The following EVI5 variants were observed in gnomAD, a reference collection of about 807,000 sequenced individuals.
EVI5 encodes ecotropic viral integration site 5, also known as ecotropic viral integration site 5 protein homolog.
A neutral mutation model predicts 112.0 loss-of-function variants in EVI5; 73 were observed. The ratio of observed to expected loss-of-function variants is 0.65; its 90% CI spans 0.54 to 0.79. EVI5 has a LOEUF of 0.79. Among genes scored for constraint, EVI5 ranks in the 30% least tolerant of loss-of-function variants. The pLI, the probability that EVI5 is intolerant of heterozygous loss-of-function variation, is 0.00. For synonymous variants in EVI5, 305 were observed against 319.9 expected (o/e 0.95, Z 0.50); for missense variants, 900 against 968.8 (o/e 0.93, Z 0.94).
Position 92,727,794 on chromosome 1 carries a change from T to C in EVI5, c.149+8604A>G, listed in dbSNP as rs562205564. Among the ~76,000 whole-genome samples, 8 of 152,064 alleles carry C rather than the reference T, an allele frequency of 5.3e-5. No individual in the cohort carries two copies. The South Asian group carries it at 1.2e-3, about 24-fold the overall frequency. On this transcript the variant is annotated intron_variant, in intron 2 of 19. Coordinates refer to ENST00000684568, the MANE Select transcript of EVI5 (RefSeq NM_001350197.2). ...ATTTTAGGAGGCTGAGGTGAGAGGATTGCTTGAATCCGGGAGTTCAAGAAC... is the reference window on the plus strand; with the variant it reads ...ATTTTAGGAGGCTGAGGTGAGAGGACTGCTTGAATCCGGGAGTTCAAGAAC...
chr1:92,655,550 G>C (rs10735781), intron 13 of EVI5, among the ~76,000 whole-genome samples: 87,499 of 151,862 alleles, frequency 0.58, 26,989 homozygotes, highest in East Asian at 0.93. Flanking sequence ...AAACTTACAG[G>C]TCTTACAAAA....
At chr1:92,712,996 G>A (rs1453702332) in intron 2 of EVI5, among the ~76,000 whole-genome samples, 1 of 151,492 alleles carries the variant, frequency 6.6e-6, no homozygotes. Context: ...GGGGTCTTGA[G>A]AGGCTGGTCT....
At chr1:92,781,752 C>T (rs1167095748) in intron 1 of EVI5, among the ~76,000 whole-genome samples, 4 of 151,356 alleles carry the variant, frequency 2.6e-5, no homozygotes, top group Admixed American at 6.6e-5. Flanking sequence ...CCCAGGAGTT[C>T]GAGACCAGCC....
At position 92,772,305 on chromosome 1, in the gene EVI5, A is replaced by C. The variant is rs560525219; in HGVS notation, c.-82+12531T>G. Among the ~76,000 whole-genome samples the C allele has an allele frequency of 1.2e-3, 188 of 152,200 alleles. 6 individuals are homozygous for C. In the South Asian group the frequency reaches 0.038, roughly 31 times the overall value. On this transcript the variant is annotated intron_variant, in intron 1 of 19. Transcript: ENST00000684568. ...AATACTACAAGTTTTAACAGATATA[A>C]AAAGAAACTGGCCAGGCGAGGTGGC...
chr1:92,739,990 G>C (rs1678107196), intron 1 of EVI5, among the ~76,000 whole-genome samples: 1 of 148,346 alleles, frequency 6.7e-6, no homozygotes, highest in African/African-American at 2.5e-5. Context: ...AAAAAAAAAA[G>C]GGGCAGTGCG....
chr1:92,715,657 G>A (rs766081995), intron 2 of EVI5, among the ~76,000 whole-genome samples: 12 of 152,246 alleles, frequency 7.9e-5, no homozygotes, highest in East Asian at 1.9e-4. Flanking sequence ...AGGGCGGGGC[G>A]TCACCTCACC....
intron 1 of EVI5, among the ~76,000 whole-genome samples, chr1:92,781,806 T>C (rs1051566063): frequency 5.9e-5 from 9 of 151,754 alleles, no homozygotes; most frequent in African/African-American, 2.2e-4. Context: ...GATACAAAAA[T>C]TAGCTGGGCA....
chr1:92,613,908 C>T (rs1478967749), intron 16 of EVI5, among the ~76,000 whole-genome samples: 1 of 152,112 alleles, frequency 6.6e-6, no homozygotes, highest in African/African-American at 2.4e-5. Flanking sequence ...GAGGCTTCAT[C>T]AGAACAATAG....
At chr1:92,631,750 T>C (rs1229716880) in intron 14 of EVI5, among the ~76,000 whole-genome samples, 6 of 152,174 alleles carry the variant, frequency 3.9e-5, no homozygotes, top group Non-Finnish European at 7.3e-5. Flanking sequence ...GGCATCCCTG[T>C]CTTGTGCCCG....
chr1:92,619,721 G>A (rs1654087881), intron 16 of EVI5, among the ~76,000 whole-genome samples: 1 of 150,108 alleles, frequency 6.7e-6, no homozygotes, highest in Non-Finnish European at 1.5e-5. Context: ...AGGAGTTCGA[G>A]ACCTGGGCAA....
chr1:92,577,466 G>A (rs1671257119), intron 18 of EVI5, among the ~76,000 whole-genome samples: 1 of 152,214 alleles, frequency 6.6e-6, no homozygotes, highest in Admixed American at 6.5e-5. Flanking sequence ...CATCAGTAGG[G>A]CGGGCCAGCA....
At chr1:92,756,853 A>G (rs1681031462) in intron 1 of EVI5, 1 of 478,894 alleles carries the variant, frequency 2.1e-6, no homozygotes, top group Middle Eastern at 6.5e-4. Flanking sequence ...GCTGTCCCTC[A>G]CTGGCAATAG....
chr1:92,566,955 C>T lies in EVI5; in HGVS notation c.2071-3218G>A, dbSNP rs556236580. 4.6e-5 allele frequency among the ~76,000 whole-genome samples: 7 copies of T among 152,054 alleles called. 1 individual carries two copies. The South Asian group carries it at 1.5e-3, about 32-fold the overall frequency. ...CTGAGTAGCTGGGACTACAGACGCA[C>T]ACCACCATGCCTAGCTAATTTTTAT... On this transcript the variant is annotated intron_variant, in intron 18 of 19. Transcript: ENST00000684568.
chr1:92,597,972 T>C (rs571030264), intron 18 of EVI5, among the ~76,000 whole-genome samples: 12 of 152,248 alleles, frequency 7.9e-5, no homozygotes, highest in African/African-American at 2.2e-4. Flanking sequence ...GGTGGGGGGA[T>C]TGCTTGAGCC....
At chr1:92,735,872 A>G (rs1292857727) in intron 2 of EVI5, among the ~76,000 whole-genome samples, 3 of 146,462 alleles carry the variant, frequency 2.0e-5, no homozygotes, top group Non-Finnish European at 4.5e-5. Flanking sequence ...ATAAATATAT[A>G]AAAGAGATGA....
At chr1:92,705,493 A>T (rs1325219448) in intron 2 of EVI5, among the ~76,000 whole-genome samples, 2 of 152,172 alleles carry the variant, frequency 1.3e-5, no homozygotes, top group African/African-American at 2.4e-5. Flanking sequence ...TAATCCCTAC[A>T]GTCTCCCCTA....
At chr1:92,600,908 T>C (rs1649025430) in intron 18 of EVI5, among the ~76,000 whole-genome samples, 1 of 152,104 alleles carries the variant, frequency 6.6e-6, no homozygotes, top group African/African-American at 2.4e-5. Flanking sequence ...GTATAGTTTG[T>C]AAAAGCCAAA....
In EVI5 at chr1:92,774,090, T is replaced by G. The variant is rs549924738; in HGVS notation, c.-82+10746A>C. ...ATTTCTGGAATTTTCCATTTAATAT[T>G]TTCAGACTGTAATTGACCACAGTTA... On this transcript the variant is annotated intron_variant, in intron 1 of 19. Transcript: ENST00000684568. The G allele has an allele frequency of 5.3e-5, 8 of 152,314 alleles. No homozygotes were observed. The South Asian group carries it at 1.7e-3, about 32-fold the overall frequency. The allele number at this position is 152,314 out of a possible 1,614,324, so 9.4% of individuals were successfully genotyped here. A position where few individuals can be genotyped will look rare whatever the true frequency, so the allele number is the denominator to read the frequency against.
chr1:92,777,997 C>T (rs1224794974), intron 1 of EVI5, among the ~76,000 whole-genome samples: 1 of 151,338 alleles, frequency 6.6e-6, no homozygotes, highest in Non-Finnish European at 1.5e-5. Context: ...CTACCTCCAC[C>T]TCCTGGGTTC....
Sources: gnomAD v4.1 joint callset for allele counts (sites outside exome capture counted in the v4.1 genomes callset) on GRCh38, gnomAD v4.1.1 for gene constraint, MANE v1.5 for transcripts, NCBI Gene and HGNC (gene_info 2026-07-23, HGNC 2026-07-21) for gene names.